The following ACOXL variants were observed in gnomAD, a reference collection of about 807,000 sequenced individuals.
ACOXL encodes the protein acyl-CoA oxidase like.
A neutral mutation model predicts 71.9 loss-of-function variants in ACOXL; 70 were observed. That is an observed-to-expected ratio of 0.97 (90% CI 0.80 to 1.19). The LOEUF is 1.19. Ranked by LOEUF, ACOXL falls within the 50% of genes most tolerant of loss-of-function variation. The pLI, the probability that ACOXL is intolerant of heterozygous loss-of-function variation, is 0.00. For synonymous variants in ACOXL, 253 were observed against 281.6 expected (o/e 0.90, Z 1.02); for missense variants, 703 against 736.3 (o/e 0.95, Z 0.52).
At chr2:110,784,665 A>T (rs1384767470) in intron 2 of ACOXL, 67 bp from the exon 3 acceptor site, 2 of 1,265,460 alleles carry the variant, frequency 1.6e-6, no homozygotes, top group African/African-American at 3.1e-5. Context: ...TTTCTTATAA[A>T]AACTGTGAAT....
chr2:110,994,834 T>C (rs1454653701), intron 13 of ACOXL, among the ~76,000 whole-genome samples: 1 of 152,132 alleles, frequency 6.6e-6, no homozygotes, highest in African/African-American at 2.4e-5. Flanking sequence ...ATCACTTCCC[T>C]CCAGGGTGCC....
chr2:111,010,628 A>G (rs1355803749), intron 14 of ACOXL, among the ~76,000 whole-genome samples: 5 of 152,154 alleles, frequency 3.3e-5, no homozygotes, highest in African/African-American at 7.2e-5. Context: ...AACAAATATA[A>G]AAATAAGAGC....
intron 12 of ACOXL, among the ~76,000 whole-genome samples, chr2:110,959,144 C>T (rs1351631732): frequency 1.3e-5 from 2 of 152,212 alleles, no homozygotes; most frequent in East Asian, 1.9e-4. Context: ...TGGCCTGACT[C>T]AAGACTTGAG....
chr2:111,064,749 A>G (rs144914039), intron 16 of ACOXL, among the ~76,000 whole-genome samples: 2,108 of 152,336 alleles, frequency 0.014, 16 homozygotes, highest in South Asian at 0.037. Context: ...TTCAAAAAAC[A>G]CCATGTACAA....
intron 17 of ACOXL, among the ~76,000 whole-genome samples, chr2:111,114,652 C>A (rs980016190): frequency 6.6e-6 from 1 of 152,046 alleles, no homozygotes; most frequent in Non-Finnish European, 1.5e-5. Flanking sequence ...CTGGGCACTT[C>A]CCACCCTGAA....
chr2:110,751,904 C>A (rs1258427689), intron 1 of ACOXL, among the ~76,000 whole-genome samples: 1 of 152,162 alleles, frequency 6.6e-6, no homozygotes, highest in African/African-American at 2.4e-5. Flanking sequence ...AATGAATGAA[C>A]CACAACTACA....
rs186486922 is a variant in ACOXL at position 110,944,169 on chromosome 2, G to A, written c.1059+10527G>A. ...ACTTCCCAGGCTCAAGCGATTCTCCGGCCTCAGCCTCAGCCTCCCAAGTAG... is the reference window on the plus strand; with the variant it reads ...ACTTCCCAGGCTCAAGCGATTCTCCAGCCTCAGCCTCAGCCTCCCAAGTAG... On this transcript the variant is annotated intron_variant, in intron 12 of 17. Transcript: ENST00000439055. Among the ~76,000 whole-genome samples, 849 of 151,900 alleles carry A rather than the reference G, an allele frequency of 5.6e-3. 5 individuals are homozygous for A. The highest frequency in any genetic ancestry group is 0.016 in the South Asian group (78 of 4,812).
At chr2:111,013,465 G>C (rs1490272895) in intron 14 of ACOXL, among the ~76,000 whole-genome samples, 1 of 143,426 alleles carries the variant, frequency 7.0e-6, no homozygotes, top group East Asian at 2.2e-4. Context: ...AGAGATTGCA[G>C]TGAGCTGAGA....
chr2:111,051,594 C>T lies in ACOXL; in HGVS notation c.1440+2306C>T, dbSNP rs547664914. Among the ~76,000 whole-genome samples the T allele has an allele frequency of 4.6e-5, 7 of 152,200 alleles. No individual in the cohort carries two copies. In the South Asian group the frequency reaches 1.5e-3, roughly 32 times the overall value. On this transcript the variant is annotated intron_variant, in intron 16 of 17. Coordinates refer to ENST00000439055, the MANE Select transcript of ACOXL (RefSeq NM_001142807.4). ...AGGAATTCTCCTGTCTCAGCCTCCCCACTAGTTGGGAGTACAGGTGTCTGC... is the reference window on the plus strand; with the variant it reads ...AGGAATTCTCCTGTCTCAGCCTCCCTACTAGTTGGGAGTACAGGTGTCTGC...
At chr2:111,005,912 G>A (rs1280946446) in intron 14 of ACOXL, among the ~76,000 whole-genome samples, 1 of 152,194 alleles carries the variant, frequency 6.6e-6, no homozygotes, top group East Asian at 1.9e-4. Flanking sequence ...CTGAGACATT[G>A]TGGGTAGGGA....
At chr2:110,795,612 A>T (rs186668243) in intron 5 of ACOXL, 1 of 152,332 alleles carries the variant, frequency 6.6e-6, no homozygotes, top group Admixed American at 6.5e-5. Context: ...ACAGAGGCTC[A>T]CGGAGGTTAA....
chr2:110,774,499 G>A (rs1682391310), intron 2 of ACOXL, among the ~76,000 whole-genome samples: 1 of 152,174 alleles, frequency 6.6e-6, no homozygotes, highest in African/African-American at 2.4e-5. Flanking sequence ...AAATCAACAT[G>A]TAGAAGTCAG....
chr2:110,932,806 G>A (rs1290437966), intron 11 of ACOXL, among the ~76,000 whole-genome samples: 3 of 152,214 alleles, frequency 2.0e-5, no homozygotes, highest in Non-Finnish European at 4.4e-5. Context: ...AAATGGATTG[G>A]AAGAAAAGTT....
chr2:110,806,614 G>A (rs1312971350), intron 9 of ACOXL, among the ~76,000 whole-genome samples: 1 of 152,198 alleles, frequency 6.6e-6, no homozygotes, highest in East Asian at 1.9e-4. Context: ...GTTAAACATC[G>A]GATGCAGGGT....
chr2:110,878,587 A>G (rs1573957462), intron 10 of ACOXL, among the ~76,000 whole-genome samples: 2 of 151,994 alleles, frequency 1.3e-5, no homozygotes, highest in Admixed American at 6.6e-5. Flanking sequence ...ACATGGTGAA[A>G]CCCTATCTCT....
At chr2:110,897,121 A>C (rs1344252888) in intron 10 of ACOXL, among the ~76,000 whole-genome samples, 1 of 152,188 alleles carries the variant, frequency 6.6e-6, no homozygotes, top group Non-Finnish European at 1.5e-5. Flanking sequence ...CACAATTCTA[A>C]ATAACTAATA....
At chr2:110,987,062 A>C (rs1264792062) in intron 12 of ACOXL, 46 bp from the exon 13 acceptor site, 1 of 1,502,352 alleles carries the variant, frequency 6.7e-7, no homozygotes, top group South Asian at 1.2e-5. Context: ...AGATACTGTC[A>C]TTTTTTACAC....
intron 10 of ACOXL, among the ~76,000 whole-genome samples, chr2:110,874,027 C>G (rs1428885254): frequency 6.6e-6 from 1 of 152,214 alleles, no homozygotes; most frequent in Non-Finnish European, 1.5e-5. Context: ...AGGCCCAGAG[C>G]ACTGTGCTGG....
chr2:111,084,309 A>AC (rs1491528311), intron 16 of ACOXL, among the ~76,000 whole-genome samples: 13 of 144,254 alleles, frequency 9.0e-5, no homozygotes, highest in Non-Finnish European at 1.7e-4. Flanking sequence ...ACACACACAC[A>AC]AGAAGTGGAA....
Sources: allele counts gnomAD v4.1 joint callset (sites outside exome capture counted in the v4.1 genomes callset), GRCh38; gene constraint gnomAD v4.1.1; transcripts MANE v1.5; gene names NCBI Gene and HGNC (gene_info 2026-07-23, HGNC 2026-07-21).